Variants in ACSL3 observed in about 807,000 individuals in gnomAD.
ACSL3 encodes the protein acyl-CoA synthetase long chain family member 3.
ACSL3 carries 34 observed loss-of-function variants against 84.7 expected under a neutral mutation model. The observed-to-expected ratio is 0.40, with a 90% CI of 0.31 to 0.53. The LOEUF (loss-of-function observed/expected upper bound fraction) is 0.53, where lower values mean the gene tolerates loss of function less well. Among genes scored for constraint, ACSL3 ranks in the 20% least tolerant of loss-of-function variants. The pLI, the probability that ACSL3 is intolerant of heterozygous loss-of-function variation, is 0.48. For synonymous variants in ACSL3, 315 were observed against 299.4 expected (o/e 1.05, Z -0.54); for missense variants, 680 against 873.1 (o/e 0.78, Z 2.79).
intron 4 of ACSL3, among the ~76,000 whole-genome samples, chr2:222,913,531 T>G (rs1245413244): frequency 6.6e-6 from 1 of 152,148 alleles, no homozygotes; most frequent in Non-Finnish European, 1.5e-5. Flanking sequence ...AAATCAGGGG[T>G]GTCTGATTTA....
intron 1 of ACSL3, among the ~76,000 whole-genome samples, chr2:222,869,006 A>AT (rs1410307569): frequency 8.6e-5 from 13 of 152,036 alleles, no homozygotes; most frequent in Non-Finnish European, 1.6e-4. Flanking sequence ...TCGTGTTTCA[A>AT]TTTTTTTGAA....
intron 12 of ACSL3, among the ~76,000 whole-genome samples, chr2:222,928,518 G>T (rs918034701): frequency 6.6e-6 from 1 of 152,182 alleles, no homozygotes; most frequent in African/African-American, 2.4e-5. Context: ...GATTCTGAGG[G>T]AACAGGAGCA....
rs762268950 is a variant in ACSL3 at position 222,930,806 on chromosome 2, A to G, written c.1726A>G (p.Ile576Val). The change falls in exon 14 of 17, where the codon ATT (isoleucine) becomes GTT (valine). Residue 576 changes from isoleucine to valine, a missense_variant. Around this residue, in one of 2 missense-constraint regions of ACSL3, gnomAD observed 347 missense variants for 525.7 expected, o/e 0.66. Coordinates refer to ENST00000357430, the MANE Select transcript of ACSL3 (RefSeq NM_004457.5). ...GEFEPDGCLK[I>V]IDRKKDLVKL... ...GTTTGAACCCGATGGATGCTTAAAG[A>G]TTATTGGTAAGTCATCTAATATTTT... 6.9e-6 allele frequency: 11 copies of G among 1,594,080 alleles called. No individual in the cohort carries two copies. Among genetic ancestry groups the G allele is most frequent in the Non-Finnish European group, 8.5e-6 (10 of 1,171,468 alleles).
rs1696900013 is a variant in ACSL3, at chr2:222,927,061, G to A, written c.1337G>A (p.Arg446His). Residue 446 changes from arginine (R) to histidine (H), a missense_variant, in exon 12 of 17, where the codon CGT (arginine) becomes CAT (histidine). Transcript: ENST00000357430. ...CGAAGCTTGCTAGGGGGAAATATTC[G>A]TCTCCTGTTGTGTGGTGGCGCTCCA... is the stretch of plus-strand genomic sequence containing the variant. ...KVRSLLGGNI[R>H]LLLCGGAPLS... 1.2e-5 allele frequency: 20 copies of A among 1,613,660 alleles called. No individual in the cohort carries two copies. Among genetic ancestry groups the A allele is most frequent in the Non-Finnish European group, 1.5e-5 (18 of 1,179,722 alleles).
At chr2:222,918,694 T>C (rs1696650064) in intron 6 of ACSL3, among the ~76,000 whole-genome samples, 1 of 148,994 alleles carries the variant, frequency 6.7e-6, no homozygotes, top group Admixed American at 6.6e-5. Flanking sequence ...CAAGTTTGCA[T>C]GTGAATTTTC....
chr2:222,889,048 A>G (rs1695785553), intron 2 of ACSL3, among the ~76,000 whole-genome samples: 1 of 152,234 alleles, frequency 6.6e-6, no homozygotes, highest in Admixed American at 6.5e-5. Flanking sequence ...CTTAGCTAAG[A>G]ATGCATCAAG....
chr2:222,913,275 C>T (rs185360383), intron 4 of ACSL3, among the ~76,000 whole-genome samples: 2 of 152,198 alleles, frequency 1.3e-5, no homozygotes, highest in Non-Finnish European at 2.9e-5. Flanking sequence ...TTTCTTAATG[C>T]CGTCTTTTGT....
At chr2:222,877,545 G>A (rs1028489829) in intron 1 of ACSL3, among the ~76,000 whole-genome samples, 2 of 152,160 alleles carry the variant, frequency 1.3e-5, no homozygotes, top group Admixed American at 1.3e-4. Context: ...CTCAGTGACG[G>A]CTACATATAC....
At chr2:222,868,787 TGTG>T (rs1445564338) in intron 1 of ACSL3, among the ~76,000 whole-genome samples, 1 of 151,764 alleles carries the variant, frequency 6.6e-6, no homozygotes, top group Non-Finnish European at 1.5e-5. Context: ...GCCTGGCCAA[TGTG>T]GTGAAATCCC....
chr2:222,926,789 C>G (rs141988130), intron 11 of ACSL3, among the ~76,000 whole-genome samples: 2 of 152,002 alleles, frequency 1.3e-5, no homozygotes, highest in Admixed American at 1.3e-4. Flanking sequence ...AATTCAAATT[C>G]GAATATCACT....
chr2:222,868,268 C>T (rs1050677554), intron 1 of ACSL3, among the ~76,000 whole-genome samples: 11 of 151,982 alleles, frequency 7.2e-5, no homozygotes, highest in African/African-American at 1.9e-4. Flanking sequence ...GATTGGAATC[C>T]GGGCTCTACT....
At chr2:222,869,272 A>G (rs929890913) in intron 1 of ACSL3, among the ~76,000 whole-genome samples, 1 of 152,140 alleles carries the variant, frequency 6.6e-6, no homozygotes. Flanking sequence ...TTCCATTTCA[A>G]TTTCTGTAAC....
Position 222,944,222 on chromosome 2 carries a change from A to C in ACSL3, c.*2568A>C, listed in dbSNP as rs192028309. On this transcript the variant is annotated 3_prime_UTR_variant, in exon 17 of 17. Transcript: ENST00000357430. Reference sequence around the variant, plus strand: ...GTTCTCTAAAGCTTGCAACTTTTTCAGCAACGTTTAAAAATAGATTAACCT... The same window carrying C: ...GTTCTCTAAAGCTTGCAACTTTTTCCGCAACGTTTAAAAATAGATTAACCT... 1 of 152,282 alleles carries C rather than the reference A, an allele frequency of 6.6e-6. No individual in the cohort carries two copies. The highest frequency in any genetic ancestry group is 1.5e-5 in the Non-Finnish European group (1 of 67,984). The allele number at this position is 152,282 out of a possible 1,614,324, so 9.4% of individuals were successfully genotyped here. A position where few individuals can be genotyped will look rare whatever the true frequency, so the allele number is the denominator to read the frequency against.
intron 9 of ACSL3, 61 bp downstream of exon 9, chr2:222,922,892 T>C (rs1559298741): frequency 3.1e-6 from 5 of 1,601,746 alleles, no homozygotes; most frequent in Non-Finnish European, 4.3e-6. Flanking sequence ...AATGCATTTT[T>C]TTCAGTCAGT....
intron 6 of ACSL3, among the ~76,000 whole-genome samples, chr2:222,918,395 G>A (rs1027906631): frequency 6.6e-6 from 1 of 151,728 alleles, no homozygotes; most frequent in African/African-American, 2.4e-5. Flanking sequence ...AAGAAATTAC[G>A]ACTACTTTTT....
At chr2:222,930,928 G>C (rs966439735) in intron 14 of ACSL3, 116 bp downstream of exon 14, 7 of 933,336 alleles carry the variant, frequency 7.5e-6, no homozygotes, top group Non-Finnish European at 4.7e-6. Context: ...TCTTAGTTTG[G>C]GTTGTTGCAT....
At position 222,934,546 on chromosome 2, in the gene ACSL3, A is replaced by G; in HGVS notation, c.1864A>G (p.Ile622Val). 2 of 1,574,920 alleles carry G rather than the reference A, an allele frequency of 1.3e-6. No homozygotes were observed. The highest frequency in any genetic ancestry group is 1.7e-6 in the Non-Finnish European group (2 of 1,160,374). Residue 622 changes from isoleucine (I) to valine (V), a missense_variant, in exon 16 of 17, where the codon ATT (isoleucine) becomes GTT (valine). By Grantham distance (29) the Ile-to-Val change is conservative (BLOSUM62 3). Around this residue, in one of 2 missense-constraint regions of ACSL3, gnomAD observed 347 missense variants for 525.7 expected, o/e 0.66. Coordinates refer to ENST00000357430, the MANE Select transcript of ACSL3 (RefSeq NM_004457.5). ...ATATTTCAGTTATCATTCTTATGTC[A>G]TTGGATTTGTTGTGCCAAATCAAAA... ...AYANSYHSYV[I>V]GFVVPNQKEL...
Position 222,908,722 on chromosome 2 carries a change from C to T in ACSL3, c.-40-11C>T. On this transcript the variant is annotated splice_polypyrimidine_tract_variant and intron_variant, in intron 3 of 16. Coordinates refer to ENST00000357430, the MANE Select transcript of ACSL3 (RefSeq NM_004457.5). Reference sequence around the variant, plus strand: ...ATTTTGAACTAACGCCTTTCTTTTTCTTCCTCCTAGATTCTCGCTGAAGTC... The same window carrying T: ...ATTTTGAACTAACGCCTTTCTTTTTTTTCCTCCTAGATTCTCGCTGAAGTC... 6.7e-7 allele frequency: 1 copy of T among 1,483,242 alleles called. No homozygotes were observed. The highest frequency in any genetic ancestry group is 9.0e-7 in the Non-Finnish European group (1 of 1,108,810). The allele number at this position is 1,483,242 out of a possible 1,614,324, so 91.9% of individuals were successfully genotyped here.
chr2:222,916,587 A>G (rs770619653), intron 5 of ACSL3, 91 bp downstream of exon 5: 4 of 1,354,240 alleles, frequency 3.0e-6, no homozygotes, highest in Admixed American at 2.7e-5. Context: ...TCTGATGTTA[A>G]TTTTCACCCA....
Sources: gnomAD v4.1 joint callset for allele counts (sites outside exome capture counted in the v4.1 genomes callset) on GRCh38, gnomAD v4.1.1 for gene constraint, gnomAD v4.1.1 regional missense constraint, MANE v1.5 for transcripts, NCBI Gene and HGNC (gene_info 2026-07-23, HGNC 2026-07-21) for gene names.